NFYC: variants seen among roughly 807,000 people sequenced by gnomAD.
NFYC encodes the protein CAAT box DNA-binding protein subunit C.
Under a neutral mutation model 53.1 loss-of-function variants are expected in NFYC, and 25 were observed. The observed-to-expected ratio is 0.47, with a 90% CI of 0.34 to 0.66. NFYC has a LOEUF of 0.66. Among genes scored for constraint, NFYC ranks in the 30% least tolerant of loss-of-function variants. The pLI is 0.01. For synonymous variants in NFYC, 145 were observed against 152.6 expected (o/e 0.95, Z 0.37); for missense variants, 260 against 422.7 (o/e 0.62, Z 3.38).
intron 1 of NFYC, among the ~76,000 whole-genome samples, chr1:40,720,656 C>T (rs1194786769): frequency 5.3e-5 from 8 of 152,110 alleles, no homozygotes; most frequent in Admixed American, 2.0e-4. Context: ...CACTTGAGCC[C>T]AGGAGTTTGA....
chr1:40,728,218 A>G (rs774315281), intron 1 of NFYC, among the ~76,000 whole-genome samples: 7 of 151,932 alleles, frequency 4.6e-5, no homozygotes, highest in Non-Finnish European at 7.4e-5. Flanking sequence ...CCGGCCATGT[A>G]TTTTCTTCAA....
chr1:40,713,004 A>G (rs923259564), intron 1 of NFYC, among the ~76,000 whole-genome samples: 1 of 152,160 alleles, frequency 6.6e-6, no homozygotes, highest in Admixed American at 6.5e-5. Flanking sequence ...GGCATGAGCC[A>G]TTGTGCCCAA....
Position 40,770,329 on chromosome 1 carries a change from A to G in NFYC, c.889-380A>G, listed in dbSNP as rs532252950. ...ACTGCCCCTGCCAGTGTAGATTACC[A>G]AGAGTTGGGGAAATGCTGACTTCCA... On this transcript the variant is annotated intron_variant, in intron 9 of 9. Coordinates refer to ENST00000447388, the MANE Select transcript of NFYC (RefSeq NM_014223.5). The surrounding 1 kb of genome is among the most constrained non-coding windows in gnomAD (Gnocchi z 5.3). The G allele has an allele frequency of 3.5e-6, 5 of 1,438,016 alleles. No individual in the cohort carries two copies. In the South Asian group the frequency reaches 6.8e-5, roughly 20 times the overall value. The allele number at this position is 1,438,016 out of a possible 1,614,324, so 89.1% of individuals were successfully genotyped here.
At chr1:40,749,776 T>C in intron 4 of NFYC, 90 bp downstream of exon 4, 1 of 1,034,760 alleles carries the variant, frequency 9.7e-7, no homozygotes. Context: ...ATTGTTCTCC[T>C]TTAGGACCAA....
chr1:40,698,737 G>A (rs1024168711), intron 1 of NFYC, among the ~76,000 whole-genome samples: 29 of 152,140 alleles, frequency 1.9e-4, no homozygotes, highest in African/African-American at 6.7e-4. Flanking sequence ...TATATCCTTT[G>A]CCTCCCGGGT....
rs1422554655 is a variant in NFYC at position 40,691,768 on chromosome 1, C to G, written c.-108C>G. 1 of 455,088 alleles carries G rather than the reference C, an allele frequency of 2.2e-6. No homozygotes were observed. The highest frequency in any genetic ancestry group is 4.4e-6 in the Non-Finnish European group (1 of 226,302). 28.2% of individuals were successfully genotyped at this position (455,088 alleles called of 1,614,324 possible). Reference sequence around the variant, plus strand: ...CGCGCGCGCTCCGTTCTCCGTGACGCACACTTCCCCCTCCCCTCCGCCGCG... The same window carrying G: ...CGCGCGCGCTCCGTTCTCCGTGACGGACACTTCCCCCTCCCCTCCGCCGCG... On this transcript the variant is annotated 5_prime_UTR_variant, in exon 1 of 10. Transcript: ENST00000447388.
At chr1:40,761,072 G>GA (rs1312068586) in intron 6 of NFYC, among the ~76,000 whole-genome samples, 1 of 152,190 alleles carries the variant, frequency 6.6e-6, no homozygotes, top group African/African-American at 2.4e-5. Flanking sequence ...CACCATACAT[G>GA]ATTTGACAGC....
At chr1:40,732,539 TA>T (rs1162689418) in intron 1 of NFYC, among the ~76,000 whole-genome samples, 1 of 152,190 alleles carries the variant, frequency 6.6e-6, no homozygotes, top group Non-Finnish European at 1.5e-5. Context: ...GATATAAGAG[TA>T]ACAGCTAGAT....
intron 1 of NFYC, among the ~76,000 whole-genome samples, chr1:40,707,336 A>G (rs1290139696): frequency 6.6e-6 from 1 of 150,856 alleles, no homozygotes; most frequent in Non-Finnish European, 1.5e-5. Flanking sequence ...TCTACTAAAA[A>G]TACAAAAATT....
Position 40,763,057 on chromosome 1 carries a change from C to A in NFYC, c.720+11C>A. 1 of 1,571,590 alleles carries A rather than the reference C, an allele frequency of 6.4e-7. No individual in the cohort carries two copies. Among genetic ancestry groups the A allele is most frequent in the Non-Finnish European group, 8.6e-7 (1 of 1,157,246 alleles). ...ATCCAGCAGATCCCGGTGAGTCCTG[C>A]CCTGAGGTCTGTCTTTACAACTTTA... On this transcript the variant is annotated intron_variant, in intron 7 of 9. Transcript: ENST00000447388.
intron 6 of NFYC, 100 bp from the exon 7 acceptor site, chr1:40,762,788 G>T (rs1646615513): frequency 8.7e-7 from 1 of 1,144,898 alleles, no homozygotes; most frequent in Non-Finnish European, 1.2e-6. Context: ...CATTCATGGA[G>T]AGGGTTTGCT....
chr1:40,736,298 AAAG>A (rs2148586630), intron 1 of NFYC, among the ~76,000 whole-genome samples: 1 of 152,312 alleles, frequency 6.6e-6, no homozygotes, highest in South Asian at 2.1e-4. Flanking sequence ...AAGGAAAAAA[AAAG>A]AAAAAAATCA....
At chr1:40,702,414 C>A (rs868845651) in intron 1 of NFYC, among the ~76,000 whole-genome samples, 17 of 148,254 alleles carry the variant, frequency 1.1e-4, no homozygotes, top group African/African-American at 4.0e-4. Context: ...GTGATCTTGG[C>A]TCACTGTAAC....
chr1:40,738,771 C>G, intron 1 of NFYC, 65 bp from the exon 2 acceptor site: 1 of 1,161,538 alleles, frequency 8.6e-7, no homozygotes, highest in Non-Finnish European at 1.3e-6. Flanking sequence ...ATACAAATGC[C>G]TAATCTGGAC....
Position 40,711,700 on chromosome 1 carries a change from A to G in NFYC, c.-9+19833A>G, listed in dbSNP as rs186845172. Among the ~76,000 whole-genome samples, 582 of 152,340 alleles carry G rather than the reference A, an allele frequency of 3.8e-3. 3 individuals are homozygous for G. The highest frequency in any genetic ancestry group is 0.013 in the African/African-American group (541 of 41,568). ...GGTATTTAACACTTCAGCCAGATAA[A>G]TGTTTACTAGACAAATGAAGAAAAC... On this transcript the variant is annotated intron_variant, in intron 1 of 9. Transcript: ENST00000447388.
chr1:40,743,069 C>T (rs1047461799), intron 2 of NFYC, among the ~76,000 whole-genome samples: 1 of 152,168 alleles, frequency 6.6e-6, no homozygotes, highest in Admixed American at 6.5e-5. Flanking sequence ...CGAGAATATT[C>T]ATAAAATGTG....
At chr1:40,744,019 A>G (rs752040868) in intron 2 of NFYC, among the ~76,000 whole-genome samples, 9 of 152,234 alleles carry the variant, frequency 5.9e-5, no homozygotes, top group South Asian at 2.1e-4. Flanking sequence ...GGGGTCCCCA[A>G]CCCCTGGGCC....
In NFYC at chr1:40,767,526, G is replaced by A. The variant is rs552289955; in HGVS notation, c.828+823G>A. Among the ~76,000 whole-genome samples the A allele has an allele frequency of 2.4e-4, 36 of 152,158 alleles. No individual in the cohort carries two copies. In the East Asian group the frequency reaches 6.0e-3, roughly 25 times the overall value. ...AGGGCTGTTTCTGTGCCCACTCCCC[G>A]GCTTACCTAAGGACGCGGCTTTTCC... On this transcript the variant is annotated intron_variant, in intron 8 of 9. Coordinates refer to ENST00000447388, the MANE Select transcript of NFYC (RefSeq NM_014223.5).
intron 1 of NFYC, among the ~76,000 whole-genome samples, chr1:40,738,118 G>A (rs1168108148): frequency 6.6e-6 from 1 of 151,928 alleles, no homozygotes; most frequent in African/African-American, 2.4e-5. Flanking sequence ...TAGCCAGGAT[G>A]GTCTCGATCT....
Sources: allele counts gnomAD v4.1 joint callset (sites outside exome capture counted in the v4.1 genomes callset), GRCh38; gene constraint gnomAD v4.1.1; non-coding constraint Gnocchi (gnomAD v3.1); transcripts MANE v1.5; gene names NCBI Gene and HGNC (gene_info 2026-07-23, HGNC 2026-07-21).